FYB2: variants seen among roughly 807,000 people sequenced by gnomAD.
FYB2 encodes FYN-binding protein 2.
FYB2 carries 103 observed loss-of-function variants against 94.1 expected under a neutral mutation model. That is an observed-to-expected ratio of 1.09 (90% confidence interval 0.93 to 1.29). The LOEUF (loss-of-function observed/expected upper bound fraction) is 1.29, where lower values mean the gene tolerates loss of function less well. FYB2 is among the 50% of genes most tolerant of loss of function. FYB2 has a pLI of 0.00. For missense variants in FYB2, 896 were observed against 841.5 expected (o/e 1.06, Z -0.80); for synonymous variants, 293 against 287.9 (o/e 1.02, Z -0.18).
chr1:56,744,347 G>T, intron 9 of FYB2, 81 bp from the exon 10 acceptor site: 1 of 1,040,088 alleles, frequency 9.6e-7, no homozygotes, highest in South Asian at 1.3e-5. Context: ...TGGCAGTGGA[G>T]GCAAGCATAA....
Position 56,738,655 on chromosome 1 carries a change from T to A in FYB2, c.1704-2A>T, listed in dbSNP as rs1458179053. 2 of 1,610,452 alleles carry A rather than the reference T, an allele frequency of 1.2e-6. No individual in the cohort carries two copies. The highest frequency in any genetic ancestry group is 1.7e-6 in the Non-Finnish European group (2 of 1,178,190). ...TCAGGCAGCAAAATGGAAAATGCAC[T>A]GTTGATTGACAAAAGACACAAAAGA... On this transcript the variant is annotated splice_acceptor_variant, in intron 13 of 19. Transcript: ENST00000343433. LOFTEE classifies it high-confidence loss of function.
intron 13 of FYB2, 35 bp from the exon 14 acceptor site, chr1:56,738,688 A>C (rs1644884538): frequency 1.2e-6 from 2 of 1,601,644 alleles, no homozygotes; most frequent in African/African-American, 2.7e-5. Context: ...AGAGTTAAGG[A>C]AAAAAACCAT....
At chr1:56,781,102 A>G (rs1225208708) in intron 4 of FYB2, among the ~76,000 whole-genome samples, 1 of 152,212 alleles carries the variant, frequency 6.6e-6, no homozygotes, top group Non-Finnish European at 1.5e-5. Flanking sequence ...CCATTCAGGA[A>G]AGAGCACTGT....
intron 9 of FYB2, among the ~76,000 whole-genome samples, chr1:56,749,266 A>G (rs999189230): frequency 4.0e-5 from 6 of 151,764 alleles, no homozygotes; most frequent in Non-Finnish European, 5.9e-5. Context: ...TGTTTTATCT[A>G]TTATTTCCTC....
intron 1 of FYB2, among the ~76,000 whole-genome samples, chr1:56,814,994 C>T (rs1204194691): frequency 6.6e-6 from 1 of 152,122 alleles, no homozygotes; most frequent in Non-Finnish European, 1.5e-5. Context: ...TTAGTTGGAC[C>T]TCCCATCTTA....
At chr1:56,738,120 C>T (rs1048380568) in intron 14 of FYB2, among the ~76,000 whole-genome samples, 23 of 151,932 alleles carry the variant, frequency 1.5e-4, no homozygotes, top group African/African-American at 3.6e-4. Context: ...TGTCAAGCAC[C>T]GTGCTAATTT....
At chr1:56,792,928 T>C (rs1472163813) in intron 1 of FYB2, 125 bp from the exon 2 acceptor site, 3 of 1,001,420 alleles carry the variant, frequency 3.0e-6, no homozygotes, top group African/African-American at 3.2e-5. Flanking sequence ...GATCTCACCA[T>C]GTTAAGGGAC....
chr1:56,770,856 T>G (rs1645736910), intron 4 of FYB2, among the ~76,000 whole-genome samples: 1 of 152,158 alleles, frequency 6.6e-6, no homozygotes, highest in East Asian at 1.9e-4. Flanking sequence ...AGAGTCAAAT[T>G]GAATAGCTTA....
chr1:56,796,944 C>T (rs1452898621), intron 1 of FYB2, among the ~76,000 whole-genome samples: 1 of 152,154 alleles, frequency 6.6e-6, no homozygotes, highest in Admixed American at 6.5e-5. Context: ...AATGAGGCAA[C>T]CCCAACCTTT....
At chr1:56,786,985 G>A (rs921626630) in intron 4 of FYB2, among the ~76,000 whole-genome samples, 190 bp downstream of exon 4, 2 of 152,152 alleles carry the variant, frequency 1.3e-5, no homozygotes, top group Non-Finnish European at 2.9e-5. Flanking sequence ...ACATCAGTAC[G>A]TGTTAAATGC....
chr1:56,759,979 T>G (rs1404664041), intron 5 of FYB2, among the ~76,000 whole-genome samples: 1 of 150,252 alleles, frequency 6.7e-6, no homozygotes, highest in Non-Finnish European at 1.5e-5. Context: ...CTCTGGAGGC[T>G]GAGGCAGGAG....
intron 4 of FYB2, among the ~76,000 whole-genome samples, chr1:56,777,810 T>C (rs1645916921): frequency 6.6e-6 from 1 of 152,090 alleles, no homozygotes; most frequent in Admixed American, 6.6e-5. Flanking sequence ...AAACTCATAT[T>C]TTTTCTCCTA....
At chr1:56,771,469 A>C (rs1286447625) in intron 4 of FYB2, among the ~76,000 whole-genome samples, 1 of 152,200 alleles carries the variant, frequency 6.6e-6, no homozygotes, top group Non-Finnish European at 1.5e-5. Context: ...TACACTCACA[A>C]ATTCATGATT....
intron 5 of FYB2, among the ~76,000 whole-genome samples, chr1:56,763,952 T>C (rs956101498): frequency 1.3e-5 from 2 of 150,706 alleles, no homozygotes; most frequent in African/African-American, 4.9e-5. Context: ...ATATTATGTC[T>C]ATTTTTTTTT....
intron 4 of FYB2, among the ~76,000 whole-genome samples, chr1:56,768,379 G>T (rs1419946535): frequency 1.3e-5 from 2 of 152,182 alleles, no homozygotes; most frequent in Non-Finnish European, 2.9e-5. Context: ...TCAGCATCAA[G>T]TCCAGAGTTA....
intron 4 of FYB2, among the ~76,000 whole-genome samples, chr1:56,778,499 C>A (rs1402863746): frequency 6.6e-6 from 1 of 152,116 alleles, no homozygotes; most frequent in Non-Finnish European, 1.5e-5. Flanking sequence ...ACACTGGGAA[C>A]TCTTTGACAG....
intron 4 of FYB2, among the ~76,000 whole-genome samples, chr1:56,772,143 A>AT (rs1199874194): frequency 2.0e-5 from 3 of 152,150 alleles, no homozygotes; most frequent in African/African-American, 7.2e-5. Context: ...CATAGAGCTC[A>AT]TGCTTCAATG....
chr1:56,797,979 C>A (rs1316665741), intron 1 of FYB2, among the ~76,000 whole-genome samples: 1 of 152,072 alleles, frequency 6.6e-6, no homozygotes, highest in Non-Finnish European at 1.5e-5. Flanking sequence ...AATAAAAATG[C>A]GGTGAAGGAA....
chr1:56,755,602 C>T (rs1042482265), intron 7 of FYB2, among the ~76,000 whole-genome samples: 6 of 152,098 alleles, frequency 3.9e-5, no homozygotes, highest in African/African-American at 4.8e-5. Context: ...ATCCTGAAAG[C>T]AATAGCGAGG....
Sources: allele counts gnomAD v4.1 joint callset (sites outside exome capture counted in the v4.1 genomes callset), GRCh38; gene constraint gnomAD v4.1.1; transcripts MANE v1.5; gene names NCBI Gene and HGNC (gene_info 2026-07-23, HGNC 2026-07-21).